The following NXPH1 variants were observed in gnomAD, a reference collection of about 807,000 sequenced individuals.
The protein encoded by NXPH1 is neurexophilin-1.
In NXPH1, 5 loss-of-function variants were observed where a neutral mutation model predicts 23.7. The observed-to-expected ratio is 0.21, with a 90% CI of 0.11 to 0.44. The LOEUF (loss-of-function observed/expected upper bound fraction) is 0.44. NXPH1 is among the 20% of genes least tolerant of loss of function. The pLI, the probability that NXPH1 is intolerant of heterozygous loss-of-function variation, is 0.99. For missense variants in NXPH1, 324 were observed against 321.6 expected, an observed-to-expected ratio of 1.01 and a Z score of -0.06; for synonymous variants, 144 against 122.2, an observed-to-expected ratio of 1.18 and a Z score of -1.18.
chr7:8,611,277 C>T (rs1315599860), intron 2 of NXPH1, among the ~76,000 whole-genome samples: 1 of 152,096 alleles, frequency 6.6e-6, no homozygotes, highest in African/African-American at 2.4e-5. Context: ...CCCTTACCCC[C>T]AAGTTTCTCT....
At chr7:8,705,447 T>G (rs944902806) in intron 2 of NXPH1, among the ~76,000 whole-genome samples, 1 of 152,166 alleles carries the variant, frequency 6.6e-6, no homozygotes, top group African/African-American at 2.4e-5. Context: ...AAAGTAGTAC[T>G]GCAACCCTAG....
chr7:8,585,577 G>A (rs945629104), intron 2 of NXPH1, among the ~76,000 whole-genome samples: 4 of 152,134 alleles, frequency 2.6e-5, no homozygotes, highest in Non-Finnish European at 4.4e-5. Context: ...GAAGTGTCTC[G>A]TATCTAAGAG....
At chr7:8,502,851 C>A (rs1043977004) in intron 2 of NXPH1, among the ~76,000 whole-genome samples, 1 of 151,700 alleles carries the variant, frequency 6.6e-6, no homozygotes. Context: ...ATGGGCTGGG[C>A]CTCCGAATGT....
chr7:8,571,374 A>G (rs541369292), intron 2 of NXPH1, among the ~76,000 whole-genome samples: 1 of 151,890 alleles, frequency 6.6e-6, no homozygotes, highest in East Asian at 1.9e-4. Flanking sequence ...GTGATTACTT[A>G]TTAGGGTTTC....
At chr7:8,549,032 A>AC (rs1818237414) in intron 2 of NXPH1, among the ~76,000 whole-genome samples, 2 of 151,538 alleles carry the variant, frequency 1.3e-5, no homozygotes, top group South Asian at 4.1e-4. Context: ...TCCTTTGTTT[A>AC]ATAATTGAAA....
At chr7:8,485,878 T>G (rs976289446) in intron 2 of NXPH1, among the ~76,000 whole-genome samples, 4 of 152,140 alleles carry the variant, frequency 2.6e-5, no homozygotes, top group Non-Finnish European at 5.9e-5. Flanking sequence ...TAAATCAATG[T>G]CATAAAAATT....
intron 2 of NXPH1, among the ~76,000 whole-genome samples, chr7:8,670,104 A>G (rs566682004): frequency 1.3e-5 from 2 of 152,218 alleles, no homozygotes; most frequent in South Asian, 4.1e-4. Context: ...ACGTAAACCA[A>G]TGTCATTTTC....
intron 2 of NXPH1, among the ~76,000 whole-genome samples, chr7:8,586,660 C>T (rs958231549): frequency 2.5e-4 from 38 of 151,368 alleles, no homozygotes; most frequent in Non-Finnish European, 4.7e-4. Flanking sequence ...CACACACACA[C>T]ATCGAGTAGA....
At position 8,751,016 on chromosome 7, in the gene NXPH1, T is replaced by C. The variant is rs1182518523; in HGVS notation, c.63T>C (p.Cys21=). 4 of 1,613,420 alleles carry C rather than the reference T, an allele frequency of 2.5e-6. No individual in the cohort carries two copies. Among genetic ancestry groups the C allele is most frequent in the African/African-American group, 1.3e-5 (1 of 74,918 alleles). ...LLQPTVYLVT[C]ANLTNGGKSE... is the part of the protein sequence containing the mutation. Reference sequence around the variant, plus strand: ...TTCTCTTCTGTTTTCAGGTCACATGTGCCAATTTAACGAACGGTGGAAAGT... The same window carrying C: ...TTCTCTTCTGTTTTCAGGTCACATGCGCCAATTTAACGAACGGTGGAAAGT... The change falls in exon 3 of 3, where the codon TGT becomes TGC. Residue 21 remains cysteine, a synonymous_variant. Coordinates refer to ENST00000405863, the MANE Select transcript of NXPH1 (RefSeq NM_152745.3). The surrounding 1 kb of genome is among the most constrained non-coding windows in gnomAD (Gnocchi z 4.5).
At chr7:8,639,371 C>G (rs1206327398) in intron 2 of NXPH1, among the ~76,000 whole-genome samples, 7 of 151,886 alleles carry the variant, frequency 4.6e-5, no homozygotes, top group Non-Finnish European at 7.4e-5. Context: ...CCAGACACTA[C>G]AAACAAAAGG....
chr7:8,463,709 G>A (rs371114505), intron 2 of NXPH1, among the ~76,000 whole-genome samples: 1 of 151,984 alleles, frequency 6.6e-6, no homozygotes, highest in Non-Finnish European at 1.5e-5. Context: ...CGTGCCTAAG[G>A]CCATTTATAT....
At chr7:8,669,828 T>A (rs1820838897) in intron 2 of NXPH1, among the ~76,000 whole-genome samples, 1 of 152,200 alleles carries the variant, frequency 6.6e-6, no homozygotes, top group African/African-American at 2.4e-5. Flanking sequence ...TAATGAATCT[T>A]TTCTTATTTT....
intron 2 of NXPH1, among the ~76,000 whole-genome samples, chr7:8,522,995 A>T (rs1284371817): frequency 6.6e-6 from 1 of 152,212 alleles, no homozygotes; most frequent in Non-Finnish European, 1.5e-5. Context: ...CTTTGGGCAA[A>T]TACACTTTTT....
chr7:8,738,543 T>A (rs1391718384), intron 2 of NXPH1, among the ~76,000 whole-genome samples: 1 of 152,140 alleles, frequency 6.6e-6, no homozygotes, highest in Non-Finnish European at 1.5e-5. Flanking sequence ...AGCTCTCCTA[T>A]ATGAGGTGTC....
intron 2 of NXPH1, among the ~76,000 whole-genome samples, chr7:8,496,708 G>A (rs745410001): frequency 1.2e-4 from 18 of 152,068 alleles, no homozygotes; most frequent in Non-Finnish European, 2.1e-4. Context: ...CCCTTCAGGT[G>A]ACTGTGAGGC....
intron 2 of NXPH1, among the ~76,000 whole-genome samples, chr7:8,479,141 T>G (rs1356094219): frequency 2.0e-5 from 3 of 152,244 alleles, no homozygotes; most frequent in East Asian, 1.9e-4. Flanking sequence ...GAACTAAGAT[T>G]AAATGAGGGT....
At chr7:8,439,693 T>C (rs887711187) in intron 2 of NXPH1, among the ~76,000 whole-genome samples, 6 of 152,218 alleles carry the variant, frequency 3.9e-5, no homozygotes, top group African/African-American at 1.2e-4. Context: ...AAAATGTGAA[T>C]TCTACACCAA....
chr7:8,537,093 T>C (rs1454143617), intron 2 of NXPH1, among the ~76,000 whole-genome samples: 1 of 152,006 alleles, frequency 6.6e-6, no homozygotes, highest in Non-Finnish European at 1.5e-5. Context: ...AATTGTGAAC[T>C]CCTTCTCAGC....
At chr7:8,742,915 A>T (rs76167064) in intron 2 of NXPH1, among the ~76,000 whole-genome samples, 1 of 152,186 alleles carries the variant, frequency 6.6e-6, no homozygotes, top group Non-Finnish European at 1.5e-5. Context: ...ATATCTCTTC[A>T]GTAAGCTGAA....
Sources: gnomAD v4.1 joint callset for allele counts (sites outside exome capture counted in the v4.1 genomes callset) on GRCh38, gnomAD v4.1.1 for gene constraint, Gnocchi (gnomAD v3.1) non-coding constraint, MANE v1.5 for transcripts, NCBI Gene and HGNC (gene_info 2026-07-23, HGNC 2026-07-21) for gene names.